Variants in SNX29 observed in about 807,000 individuals in gnomAD.
SNX29 encodes sorting nexin-29.
Under a neutral mutation model 102.1 loss-of-function variants are expected in SNX29, and 78 were observed. That is an observed-to-expected ratio of 0.76 (90% confidence interval 0.64 to 0.92). The LOEUF (loss-of-function observed/expected upper bound fraction) is 0.92. Among genes scored for constraint, SNX29 ranks in the 40% least tolerant of loss-of-function variants. The pLI, the probability that SNX29 is intolerant of heterozygous loss-of-function variation, is 0.00. For synonymous variants in SNX29, 580 were observed against 414.5 expected (o/e 1.40, Z -4.85); for missense variants, 1,280 against 1,061.7 (o/e 1.21, Z -2.86).
At chr16:12,565,746 T>C (rs1251331856) in intron 20 of SNX29, among the ~76,000 whole-genome samples, 1 of 152,182 alleles carries the variant, frequency 6.6e-6, no homozygotes, top group East Asian at 1.9e-4. Flanking sequence ...CCCCTCCCCA[T>C]GGGCCTGCCA....
At chr16:12,280,280 C>G (rs1316091465) in intron 15 of SNX29, among the ~76,000 whole-genome samples, 1 of 152,212 alleles carries the variant, frequency 6.6e-6, no homozygotes, top group Non-Finnish European at 1.5e-5. Context: ...GATGCTGTGG[C>G]TGTGTCCTGG....
chr16:12,568,110 T>C (rs544895049), intron 20 of SNX29, among the ~76,000 whole-genome samples: 1 of 152,320 alleles, frequency 6.6e-6, no homozygotes, highest in Admixed American at 6.5e-5. Context: ...ACGCATCTTG[T>C]GTGGCTTTAT....
intron 19 of SNX29, among the ~76,000 whole-genome samples, chr16:12,507,622 G>C (rs2089435651): frequency 6.6e-6 from 1 of 152,190 alleles, no homozygotes; most frequent in South Asian, 2.1e-4. Flanking sequence ...CAGATAGTAA[G>C]CTAAGAGCCT....
intron 16 of SNX29, among the ~76,000 whole-genome samples, chr16:12,379,359 C>T (rs1021492812): frequency 1.2e-4 from 18 of 152,160 alleles, no homozygotes; most frequent in East Asian, 5.8e-4. Context: ...TGGGCTTAAG[C>T]GATCTACCTG....
At chr16:12,556,916 G>A (rs1403363209) in intron 20 of SNX29, among the ~76,000 whole-genome samples, 1 of 140,614 alleles carries the variant, frequency 7.1e-6, no homozygotes, top group Non-Finnish European at 1.5e-5. Context: ...GTAGTGGCAT[G>A]ATCTCGGCTC....
intron 18 of SNX29, chr16:12,443,126 C>G: frequency 2.3e-6 from 1 of 431,448 alleles, no homozygotes; most frequent in East Asian, 7.1e-5. Context: ...GGAGCATCTG[C>G]CTAAATCCTG....
At chr16:12,316,798 T>A (rs913970834) in intron 15 of SNX29, among the ~76,000 whole-genome samples, 12 of 152,168 alleles carry the variant, frequency 7.9e-5, no homozygotes, top group African/African-American at 2.9e-4. Flanking sequence ...CTCCCAGGGA[T>A]GGAACCATGA....
At chr16:12,288,649 A>C (rs913990370) in intron 15 of SNX29, among the ~76,000 whole-genome samples, 17 of 150,574 alleles carry the variant, frequency 1.1e-4, no homozygotes, top group African/African-American at 3.9e-4. Context: ...ACTGCTTTCC[A>C]GCCTAGGTGA....
At chr16:11,982,084 T>C (rs1028522635) in intron 1 of SNX29, among the ~76,000 whole-genome samples, 1 of 151,366 alleles carries the variant, frequency 6.6e-6, no homozygotes, top group South Asian at 2.1e-4. Flanking sequence ...ACCTAAAATA[T>C]ATACCTTGAT....
intron 1 of SNX29, among the ~76,000 whole-genome samples, chr16:11,988,698 C>A (rs916877186): frequency 3.9e-5 from 6 of 152,136 alleles, no homozygotes; most frequent in Admixed American, 3.9e-4. Context: ...CCATGCTTGG[C>A]CTATTGTCTC....
At chr16:12,319,132 T>C (rs2080847560) in intron 15 of SNX29, among the ~76,000 whole-genome samples, 1 of 152,154 alleles carries the variant, frequency 6.6e-6, no homozygotes, top group Non-Finnish European at 1.5e-5. Context: ...AGGGGTGGGC[T>C]TTTGTTACAT....
intron 4 of SNX29, among the ~76,000 whole-genome samples, chr16:12,041,492 CAGTTCTGGAGGTCAGA>C (rs1385053162): frequency 3.9e-5 from 6 of 152,226 alleles, no homozygotes; most frequent in Non-Finnish European, 8.8e-5. Context: ...TATTCTCCCA[CAGTTCTGGAGGTCAGA>C]AGTCCCCAAT....
At chr16:12,206,489 A>C (rs922041319) in intron 14 of SNX29, among the ~76,000 whole-genome samples, 1 of 151,498 alleles carries the variant, frequency 6.6e-6, no homozygotes, top group Non-Finnish European at 1.5e-5. Flanking sequence ...ACACGATGTC[A>C]CTGTTTGCAG....
At chr16:12,546,643 C>A (rs942443258) in intron 20 of SNX29, 6 of 152,156 alleles carry the variant, frequency 3.9e-5, no homozygotes, top group Non-Finnish European at 8.8e-5. Context: ...TAATTATAAA[C>A]AATTACCAAG....
At chr16:12,541,415 A>G (rs990670300) in intron 20 of SNX29, among the ~76,000 whole-genome samples, 30 of 152,152 alleles carry the variant, frequency 2.0e-4, no homozygotes, top group African/African-American at 6.5e-4. Flanking sequence ...AAAGAAACTG[A>G]GGCTCATGGA....
intron 11 of SNX29, among the ~76,000 whole-genome samples, chr16:12,119,239 C>T (rs1314477667): frequency 6.6e-6 from 1 of 152,190 alleles, no homozygotes; most frequent in Non-Finnish European, 1.5e-5. Flanking sequence ...TCCCACTGTA[C>T]CCTGTGAGGA....
intron 14 of SNX29, among the ~76,000 whole-genome samples, chr16:12,208,979 G>A (rs2077115136): frequency 6.6e-6 from 1 of 152,140 alleles, no homozygotes. Context: ...TTCTGCACGG[G>A]TACATTGTGG....
chr16:12,136,005 C>G (rs1030986433), intron 13 of SNX29, among the ~76,000 whole-genome samples: 1 of 152,328 alleles, frequency 6.6e-6, no homozygotes, highest in African/African-American at 2.4e-5. Context: ...TCACTGGGAC[C>G]GGCCTCGCAG....
chr16:12,185,775 T>A (rs754627838), intron 13 of SNX29, among the ~76,000 whole-genome samples: 4 of 152,244 alleles, frequency 2.6e-5, no homozygotes, highest in Non-Finnish European at 4.4e-5. Flanking sequence ...CCAGCTGTTA[T>A]CAGCAACAAC....
Sources: allele counts gnomAD v4.1 joint callset (sites outside exome capture counted in the v4.1 genomes callset), GRCh38; gene constraint gnomAD v4.1.1; transcripts MANE v1.5; gene names NCBI Gene and HGNC (gene_info 2026-07-23, HGNC 2026-07-21).